The following TMEM108 variants were observed in gnomAD, a reference collection of about 807,000 sequenced individuals.
TMEM108 encodes the protein transmembrane protein 108.
In TMEM108, 12 loss-of-function variants were observed where a neutral mutation model predicts 35.1. That is an observed-to-expected ratio of 0.34 (90% confidence interval 0.22 to 0.55). TMEM108 has a LOEUF of 0.55. TMEM108 is among the 20% of genes least tolerant of loss of function. The probability of loss-of-function intolerance (pLI) is 0.89; values close to 1 mark genes in which losing one functional copy is unlikely to be tolerated. For missense variants in TMEM108, 680 were observed against 753.3 expected (o/e 0.90, Z 1.14); for synonymous variants, 287 against 308.6 (o/e 0.93, Z 0.73).
chr3:133,196,520 C>T (rs1559864549), intron 2 of TMEM108, among the ~76,000 whole-genome samples: 2 of 152,182 alleles, frequency 1.3e-5, no homozygotes, highest in Non-Finnish European at 2.9e-5. Flanking sequence ...CATAAATTTA[C>T]ATGTTTATAC....
At chr3:133,227,007 T>G (rs1248561914) in intron 2 of TMEM108, among the ~76,000 whole-genome samples, 2 of 151,980 alleles carry the variant, frequency 1.3e-5, no homozygotes, top group Non-Finnish European at 2.9e-5. Flanking sequence ...CTTGTGAGAT[T>G]TATTCACTAT....
At chr3:133,389,979 C>T (rs923993983) in intron 4 of TMEM108, among the ~76,000 whole-genome samples, 1 of 152,164 alleles carries the variant, frequency 6.6e-6, no homozygotes, top group Non-Finnish European at 1.5e-5. Flanking sequence ...AAGACTTCTG[C>T]CCCGTGATTT....
intron 2 of TMEM108, among the ~76,000 whole-genome samples, chr3:133,183,642 G>A (rs115913621): frequency 0.017 from 2,610 of 152,214 alleles, 99 homozygotes; most frequent in African/African-American, 0.059. Flanking sequence ...TTTGATGTTG[G>A]GAGACTGGGG....
intron 1 of TMEM108, among the ~76,000 whole-genome samples, chr3:133,045,690 C>T (rs953626762): frequency 5.3e-5 from 8 of 152,160 alleles, no homozygotes; most frequent in African/African-American, 9.7e-5. Flanking sequence ...CTTTTGTCAG[C>T]GTGGGTACCT....
chr3:133,362,634 T>C (rs1380249192), intron 3 of TMEM108, among the ~76,000 whole-genome samples: 16 of 152,188 alleles, frequency 1.1e-4, no homozygotes, highest in Admixed American at 1.0e-3. Context: ...TGTAGAATCT[T>C]TTCCTAATAG....
At position 133,334,591 on chromosome 3, in the gene TMEM108, G is replaced by A. The variant is rs562513581; in HGVS notation, c.41-45161G>A. Among the ~76,000 whole-genome samples, 66 of 152,238 alleles carry A rather than the reference G, an allele frequency of 4.3e-4. 1 individual carries two copies. The South Asian group carries it at 0.013, about 30-fold the overall frequency. ...TTATGGTCCTTGGAGAGAAGTTCTT[G>A]GTGTTGCCCTTCCTCACTCCTTGGG... is the stretch of plus-strand genomic sequence containing the variant. On this transcript the variant is annotated intron_variant, in intron 3 of 5. Coordinates refer to ENST00000321871, the MANE Select transcript of TMEM108 (RefSeq NM_023943.4).
At chr3:133,063,772 C>A (rs116209865) in intron 2 of TMEM108, among the ~76,000 whole-genome samples, 5,403 of 152,194 alleles carry the variant, frequency 0.036, 137 homozygotes, top group Non-Finnish European at 0.056. Context: ...TCCCGCTGGA[C>A]TCCTGCTTGA....
chr3:133,348,304 C>T (rs537875520), intron 3 of TMEM108, among the ~76,000 whole-genome samples: 8 of 151,994 alleles, frequency 5.3e-5, no homozygotes, highest in African/African-American at 1.9e-4. Context: ...AAAATCTGGG[C>T]AAAGGATAAG....
chr3:133,312,385 C>T (rs1212999483), intron 3 of TMEM108, among the ~76,000 whole-genome samples: 1 of 152,204 alleles, frequency 6.6e-6, no homozygotes, highest in East Asian at 1.9e-4. Context: ...TGGTGGGCTC[C>T]ACCCAGTTTG....
In TMEM108 at chr3:133,271,080, A is replaced by G. The variant is rs111553676; in HGVS notation, c.40+41729A>G. Among the ~76,000 whole-genome samples, 359 of 152,238 alleles carry G rather than the reference A, an allele frequency of 2.4e-3. 3 individuals are homozygous for G. The highest frequency in any genetic ancestry group is 7.9e-3 in the African/African-American group (329 of 41,538). On this transcript the variant is annotated intron_variant, in intron 3 of 5. Coordinates refer to ENST00000321871, the MANE Select transcript of TMEM108 (RefSeq NM_023943.4). Reference sequence around the variant, plus strand: ...CAAATGAACACGCTACCCTGCTTTCAATCCACAAACTCTACCCCAACATCT... The same window carrying G: ...CAAATGAACACGCTACCCTGCTTTCGATCCACAAACTCTACCCCAACATCT...
chr3:133,383,623 T>G (rs2073070783), intron 4 of TMEM108, among the ~76,000 whole-genome samples: 1 of 152,168 alleles, frequency 6.6e-6, no homozygotes, highest in Admixed American at 6.5e-5. Flanking sequence ...AGATCAGATC[T>G]TATTGCAAAG....
At chr3:133,262,007 A>G (rs1946632174) in intron 3 of TMEM108, among the ~76,000 whole-genome samples, 3 of 152,248 alleles carry the variant, frequency 2.0e-5, no homozygotes, top group Admixed American at 2.0e-4. Flanking sequence ...GGCAAGTATC[A>G]TTAACATATG....
At chr3:133,264,174 T>C (rs1946663567) in intron 3 of TMEM108, among the ~76,000 whole-genome samples, 1 of 151,376 alleles carries the variant, frequency 6.6e-6, no homozygotes, top group South Asian at 2.1e-4. Flanking sequence ...AAAACTTTTT[T>C]TTAAAAAATT....
intron 2 of TMEM108, among the ~76,000 whole-genome samples, chr3:133,061,275 G>A (rs995100975): frequency 1.4e-5 from 2 of 147,658 alleles, no homozygotes; most frequent in Non-Finnish European, 3.0e-5. Context: ...GCAGTGGCAC[G>A]ATCTCTGCTC....
At position 133,093,052 on chromosome 3, in the gene TMEM108, C is replaced by T. The variant is rs577872068; in HGVS notation, c.-47+47032C>T. Among the ~76,000 whole-genome samples, 20 of 148,674 alleles carry T rather than the reference C, an allele frequency of 1.3e-4. No homozygotes were observed. The East Asian group carries it at 1.8e-3, about 13-fold the overall frequency. ...TCACCCAGGCTTGAGTGCAGTGGTGCGATCTTGGCTCACTGCAACCTCTGC... is the reference window on the plus strand; with the variant it reads ...TCACCCAGGCTTGAGTGCAGTGGTGTGATCTTGGCTCACTGCAACCTCTGC... On this transcript the variant is annotated intron_variant, in intron 2 of 5. Coordinates refer to ENST00000321871, the MANE Select transcript of TMEM108 (RefSeq NM_023943.4).
intron 2 of TMEM108, among the ~76,000 whole-genome samples, chr3:133,206,875 A>C (rs1040047066): frequency 6.6e-6 from 1 of 152,228 alleles, no homozygotes; most frequent in Non-Finnish European, 1.5e-5. Context: ...ATGTAGGAAC[A>C]CTTAAGTCTG....
intron 2 of TMEM108, among the ~76,000 whole-genome samples, chr3:133,229,004 T>C (rs904117123): frequency 2.0e-4 from 30 of 152,200 alleles, no homozygotes; most frequent in African/African-American, 7.2e-4. Context: ...AAGTCTTCAA[T>C]TCTGAACCCA....
intron 3 of TMEM108, among the ~76,000 whole-genome samples, chr3:133,377,687 T>C (rs1261355722): frequency 6.6e-6 from 1 of 152,176 alleles, no homozygotes; most frequent in Non-Finnish European, 1.5e-5. Context: ...GTGCTGTCGG[T>C]GTGTGGTCTA....
chr3:133,050,115 G>C (rs796679496), intron 2 of TMEM108, among the ~76,000 whole-genome samples: 24 of 152,224 alleles, frequency 1.6e-4, no homozygotes, highest in African/African-American at 5.5e-4. Flanking sequence ...ATTTTTCAAA[G>C]ATATAAAGTT....
Sources: gnomAD v4.1 joint callset for allele counts (sites outside exome capture counted in the v4.1 genomes callset) on GRCh38, gnomAD v4.1.1 for gene constraint, MANE v1.5 for transcripts, NCBI Gene and HGNC (gene_info 2026-07-23, HGNC 2026-07-21) for gene names.